The following NBAS variants were observed in gnomAD, a reference collection of about 807,000 sequenced individuals.
NBAS encodes NAG/BC035112 fusion.
A neutral mutation model predicts 302.5 loss-of-function variants in NBAS; 219 were observed. The observed-to-expected ratio is 0.72, with a 90% CI of 0.65 to 0.81. The LOEUF is 0.81. NBAS is among the 30% of genes least tolerant of loss of function. The pLI, the probability that NBAS is intolerant of heterozygous loss-of-function variation, is 0.00. For synonymous variants in NBAS, 1,118 were observed against 1,021.6 expected (o/e 1.09, Z -1.80); for missense variants, 2,932 against 2,841.6 (o/e 1.03, Z -0.72).
chr2:15,441,780 A>C (rs1255928734), intron 21 of NBAS, among the ~76,000 whole-genome samples: 2 of 152,120 alleles, frequency 1.3e-5, no homozygotes, highest in African/African-American at 2.4e-5. Flanking sequence ...TGCAGAGACA[A>C]ACATAGGCTC....
At chr2:14,914,484 G>A in the NBAS span, among the ~76,000 whole-genome samples, 10 of 152,132 alleles carry the variant, frequency 6.6e-5, no homozygotes, top group African/African-American at 1.2e-4. Flanking sequence ...CTATGGACTG[G>A]CAGAGAGCTG....
chr2:15,167,900 G>C (rs921963770), intron 51 of NBAS, among the ~76,000 whole-genome samples: 2 of 152,154 alleles, frequency 1.3e-5, no homozygotes, highest in Non-Finnish European at 1.5e-5. Flanking sequence ...TGAGAGAAGA[G>C]TATGTCCCTC....
chr2:15,058,534 G>C, the NBAS span, among the ~76,000 whole-genome samples: 1 of 152,194 alleles, frequency 6.6e-6, no homozygotes, highest in African/African-American at 2.4e-5. Flanking sequence ...TAAAACATGT[G>C]CACAACATAA....
At chr2:15,186,605 C>A in intron 50 of NBAS, 137 bp downstream of exon 50, 2 of 1,271,920 alleles carry the variant, frequency 1.6e-6, no homozygotes, top group South Asian at 2.5e-5. Flanking sequence ...TTCATCTGAT[C>A]CATCAGAAAT....
chr2:15,374,690 G>A lies in NBAS; in HGVS notation c.3621C>T (p.Pro1207=), dbSNP rs1366662489. The A allele has an allele frequency of 1.9e-6, 3 of 1,613,842 alleles. No individual in the cohort carries two copies. Among genetic ancestry groups the A allele is most frequent in the East Asian group, 2.2e-5 (1 of 44,856 alleles). ...RCCLQLITDR[P]PAIQEELDLI... ...GATCTAGCTCCTCTTGAATGGCAGGGGGTCTGTCTGTTATCAGTTGTAAGC... is the reference window on the plus strand; with the variant it reads ...GATCTAGCTCCTCTTGAATGGCAGGAGGTCTGTCTGTTATCAGTTGTAAGC... The change falls in exon 31 of 52, where the codon CCC becomes CCT. Residue 1207 remains proline, a synonymous_variant. Coordinates refer to ENST00000281513, the MANE Select transcript of NBAS (RefSeq NM_015909.4).
At chr2:15,039,612 A>G in the NBAS span, among the ~76,000 whole-genome samples, 1 of 152,182 alleles carries the variant, frequency 6.6e-6, no homozygotes. Flanking sequence ...ACAGAAGGTG[A>G]GGGGTTTCCG....
At chr2:15,261,676 T>C (rs2148016302) in intron 44 of NBAS, among the ~76,000 whole-genome samples, 1 of 152,322 alleles carries the variant, frequency 6.6e-6, no homozygotes, top group South Asian at 2.1e-4. Flanking sequence ...TCCTAAGTTT[T>C]TCAATAGCTT....
At chr2:15,063,121 G>T in the NBAS span, among the ~76,000 whole-genome samples, 1 of 152,004 alleles carries the variant, frequency 6.6e-6, no homozygotes, top group South Asian at 2.1e-4. Flanking sequence ...TGGAGTGTGG[G>T]CAACTCCAGT....
At chr2:15,278,144 T>C (rs1005513109) in intron 42 of NBAS, among the ~76,000 whole-genome samples, 3 of 152,172 alleles carry the variant, frequency 2.0e-5, no homozygotes, top group African/African-American at 7.2e-5. Context: ...TTGGTTTATG[T>C]AGATAAAGTT....
At chr2:14,895,175 G>A in the NBAS span, among the ~76,000 whole-genome samples, 1 of 152,126 alleles carries the variant, frequency 6.6e-6, no homozygotes, top group African/African-American at 2.4e-5. Context: ...TATAAAGAGA[G>A]GGAAGGATCC....
chr2:15,561,157 C>G, intron 1 of NBAS, 31 bp downstream of exon 1: 1 of 1,602,994 alleles, frequency 6.2e-7, no homozygotes, highest in Non-Finnish European at 8.5e-7. Flanking sequence ...CCGCGCCAAG[C>G]TGGCTGCTGC....
chr2:15,309,224 C>A lies in NBAS; in HGVS notation c.4606G>T (p.Ala1536Ser), dbSNP rs908652575. ...TEVLLQLASEALPNDMTLALA... is the reference protein window; with the variant it reads ...TEVLLQLASESLPNDMTLALA... Reference sequence around the variant, plus strand: ...GCCAAGGTCATGTCATTTGGCAAGGCTTCACTTGCTAGTTGCAAGAGAACT... The same window carrying A: ...GCCAAGGTCATGTCATTTGGCAAGGATTCACTTGCTAGTTGCAAGAGAACT... Residue 1536 changes from alanine (A) to serine (S), a missense_variant, in exon 39 of 52, where the codon GCC becomes TCC. Transcript: ENST00000281513. 6.2e-7 allele frequency: 1 copy of A among 1,611,940 alleles called. No individual in the cohort carries two copies. Among genetic ancestry groups the A allele is most frequent in the Admixed American group, 1.7e-5 (1 of 59,932 alleles).
the NBAS span, among the ~76,000 whole-genome samples, chr2:15,066,089 T>C: frequency 6.6e-6 from 1 of 152,050 alleles, no homozygotes; most frequent in South Asian, 2.1e-4. Context: ...ACATTTACAG[T>C]CAATTGCTCT....
chr2:14,806,868 T>C, the NBAS span, among the ~76,000 whole-genome samples: 6 of 152,302 alleles, frequency 3.9e-5, no homozygotes, highest in East Asian at 1.2e-3. Context: ...ACCAAAACAG[T>C]TTTTCTCTAT....
At chr2:15,268,470 T>C (rs954860212) in intron 44 of NBAS, among the ~76,000 whole-genome samples, 2 of 152,178 alleles carry the variant, frequency 1.3e-5, no homozygotes, top group Non-Finnish European at 2.9e-5. Context: ...ATTGATCACA[T>C]GATAAAATGG....
the NBAS span, among the ~76,000 whole-genome samples, chr2:14,987,365 A>C: frequency 0.012 from 1,774 of 152,118 alleles, 38 homozygotes; most frequent in African/African-American, 0.039. Context: ...CTTTTTTATT[A>C]AAAATAAACG....
the NBAS span, among the ~76,000 whole-genome samples, chr2:14,844,890 T>C: frequency 1.9e-3 from 293 of 152,228 alleles, 2 homozygotes; most frequent in East Asian, 0.027. Flanking sequence ...CACAGTAAAA[T>C]AAAATGCTAA....
chr2:15,546,701 C>G (rs1417050678), intron 6 of NBAS, among the ~76,000 whole-genome samples: 1 of 152,162 alleles, frequency 6.6e-6, no homozygotes, highest in Non-Finnish European at 1.5e-5. Context: ...GCACTCCAGC[C>G]TCAGTGACAG....
intron 3 of NBAS, among the ~76,000 whole-genome samples, chr2:15,556,246 T>C (rs751097819): frequency 3.3e-5 from 5 of 152,172 alleles, no homozygotes; most frequent in African/African-American, 7.2e-5. Flanking sequence ...AATAATTCTA[T>C]AAAACAATTC....
Sources: allele counts gnomAD v4.1 joint callset (sites outside exome capture counted in the v4.1 genomes callset), GRCh38; gene constraint gnomAD v4.1.1; transcripts MANE v1.5; gene names NCBI Gene and HGNC (gene_info 2026-07-23, HGNC 2026-07-21).